Variants in GRM7 observed in about 807,000 individuals in gnomAD.
The protein encoded by GRM7 is metabotropic glutamate receptor 7.
A neutral mutation model predicts 84.5 loss-of-function variants in GRM7; 35 were observed. The observed-to-expected ratio is 0.41, with a 90% CI of 0.32 to 0.55. GRM7 has a LOEUF of 0.55. GRM7 is among the 20% of genes least tolerant of loss of function. GRM7 has a pLI of 0.19. For synonymous variants in GRM7, 487 were observed against 455.1 expected, an observed-to-expected ratio of 1.07 and a Z score of -0.89; for missense variants, 1,003 against 1,194.6, an observed-to-expected ratio of 0.84 and a Z score of 2.36.
In GRM7 at chr3:7,006,348, T is replaced by C. The variant is rs73812016; in HGVS notation, c.520-140104T>C. 4.9e-3 allele frequency among the ~76,000 whole-genome samples: 752 copies of C among 152,300 alleles called. 2 individuals are homozygous for C. The highest frequency in any genetic ancestry group is 0.017 in the African/African-American group (705 of 41,570). On this transcript the variant is annotated intron_variant, in intron 1 of 9. Coordinates refer to ENST00000357716, the MANE Select transcript of GRM7 (RefSeq NM_000844.4). ...CACTAGCAGAAAGTGTGTGAAAAAC[T>C]GTCTTTATGTGAAGGGAACTATCAT...
At position 7,490,094 on chromosome 3, in the gene GRM7, T is replaced by C. The variant is rs190777114; in HGVS notation, c.1515+28372T>C. Among the ~76,000 whole-genome samples the C allele has an allele frequency of 2.0e-3, 299 of 152,154 alleles. 1 individual carries two copies. The highest frequency in any genetic ancestry group is 6.7e-3 in the African/African-American group (280 of 41,560). On this transcript the variant is annotated intron_variant, in intron 7 of 9. Coordinates refer to ENST00000357716, the MANE Select transcript of GRM7 (RefSeq NM_000844.4). ...ACAATTATAACAGAAAAGATATCAA[T>C]TGAATTTTAAAATCCAAGTTTACAT...
In GRM7 at chr3:6,969,471, T is replaced by C. The variant is rs545197707; in HGVS notation, c.519+107564T>C. Among the ~76,000 whole-genome samples, 5 of 152,286 alleles carry C rather than the reference T, an allele frequency of 3.3e-5. No homozygotes were observed. The East Asian group carries it at 7.7e-4, about 24-fold the overall frequency. Reference sequence around the variant, plus strand: ...AATAGTTAGTGAATCAGTAAATAGATTTGAATCCAACTCTACTGATGCTCA... The same window carrying C: ...AATAGTTAGTGAATCAGTAAATAGACTTGAATCCAACTCTACTGATGCTCA... On this transcript the variant is annotated intron_variant, in intron 1 of 9. Transcript: ENST00000357716.
chr3:7,409,632 G>A (rs982365246), intron 4 of GRM7, among the ~76,000 whole-genome samples: 2 of 151,818 alleles, frequency 1.3e-5, no homozygotes, highest in East Asian at 1.9e-4. Flanking sequence ...ATGGAGTCCC[G>A]CTCTGTCGCC....
chr3:7,064,303 T>C (rs1185751060), intron 1 of GRM7, among the ~76,000 whole-genome samples: 5 of 150,488 alleles, frequency 3.3e-5, no homozygotes, highest in Admixed American at 2.7e-4. Flanking sequence ...ATGCATAGCT[T>C]AGCCCCCACA....
intron 9 of GRM7, chr3:7,682,484 T>G (rs1270241228): frequency 6.6e-6 from 1 of 151,988 alleles, no homozygotes; most frequent in Non-Finnish European, 1.5e-5. Context: ...TCTTGTCAAA[T>G]TTGCATTTCA....
chr3:7,740,644 C>G lies in GRM7; in HGVS notation c.*238C>G. 2.6e-6 allele frequency: 1 copy of G among 383,370 alleles called. No individual in the cohort carries two copies. The highest frequency in any genetic ancestry group is 4.6e-6 in the Non-Finnish European group (1 of 216,798). 23.7% of individuals were successfully genotyped at this position (383,370 alleles called of 1,614,324 possible). ...TGCCAACTCGGCTGCAATTGTGGAC[C>G]TTCCCTACCAAAGGGAGTGTTGAAA... On this transcript the variant is annotated 3_prime_UTR_variant, in exon 10 of 10. Coordinates refer to ENST00000357716, the MANE Select transcript of GRM7 (RefSeq NM_000844.4).
At chr3:7,463,440 G>A (rs1698331315) in intron 7 of GRM7, among the ~76,000 whole-genome samples, 2 of 152,148 alleles carry the variant, frequency 1.3e-5, no homozygotes, top group African/African-American at 4.8e-5. Flanking sequence ...TTTGTTGTTT[G>A]TTTGGTTTTG....
chr3:7,253,099 G>T (rs931970279), intron 2 of GRM7, among the ~76,000 whole-genome samples: 7 of 151,472 alleles, frequency 4.6e-5, no homozygotes, highest in Non-Finnish European at 1.0e-4. Flanking sequence ...CAGTTGAGGG[G>T]TAGATGGCTG....
intron 1 of GRM7, among the ~76,000 whole-genome samples, chr3:6,913,640 C>G (rs180828325): frequency 1.3e-5 from 2 of 152,142 alleles, no homozygotes; most frequent in Admixed American, 1.3e-4. Flanking sequence ...TATAATAAAC[C>G]TTTTGGTTTC....
In GRM7 at chr3:7,351,723, CT is replaced by C. The variant is rs149886722; in HGVS notation, c.1033+45080del. ...TGCTCTCTCTTCAGGAGCAGAATAC[CT>C]TTTTTTTTCCTCCTTCTTCCCTTAG... On this transcript the variant is annotated intron_variant, in intron 4 of 9. Coordinates refer to ENST00000357716, the MANE Select transcript of GRM7 (RefSeq NM_000844.4). Among the ~76,000 whole-genome samples the C allele has an allele frequency of 5.5e-3, 826 of 151,276 alleles. 6 individuals carry two copies. Among genetic ancestry groups the C allele is most frequent in the African/African-American group, 0.017 (708 of 41,204 alleles).
At chr3:7,280,638 C>T (rs554465765) in intron 2 of GRM7, among the ~76,000 whole-genome samples, 6 of 152,276 alleles carry the variant, frequency 3.9e-5, no homozygotes, top group African/African-American at 7.2e-5. Flanking sequence ...AGCCCAGTAG[C>T]GCTGGCATAT....
At chr3:7,673,284 A>ATTC (rs1699996221) in intron 8 of GRM7, among the ~76,000 whole-genome samples, 1 of 152,214 alleles carries the variant, frequency 6.6e-6, no homozygotes, top group South Asian at 2.1e-4. Context: ...AATGCCAAGA[A>ATTC]TATTGATCAT....
At chr3:7,433,158 C>T (rs1192105905) in intron 5 of GRM7, among the ~76,000 whole-genome samples, 3 of 152,188 alleles carry the variant, frequency 2.0e-5, no homozygotes, top group East Asian at 3.9e-4. Flanking sequence ...GTGGCAGTCT[C>T]ATCTTCCAGT....
intron 9 of GRM7, among the ~76,000 whole-genome samples, chr3:7,736,516 G>T (rs1394300670): frequency 6.6e-6 from 1 of 152,106 alleles, no homozygotes; most frequent in African/African-American, 2.4e-5. Flanking sequence ...AATGTTATAT[G>T]AAACCAGATT....
intron 1 of GRM7, among the ~76,000 whole-genome samples, chr3:7,038,605 G>A (rs1469033636): frequency 1.3e-5 from 2 of 152,152 alleles, no homozygotes; most frequent in Non-Finnish European, 2.9e-5. Context: ...CTACCTACGT[G>A]AGTCTATTAC....
chr3:7,267,970 C>T (rs1397055263), intron 2 of GRM7, among the ~76,000 whole-genome samples: 4 of 151,898 alleles, frequency 2.6e-5, no homozygotes, highest in South Asian at 2.1e-4. Context: ...CAGTTAGTGC[C>T]GTTAGAAAGA....
chr3:7,296,181 A>G (rs537601224), intron 2 of GRM7, among the ~76,000 whole-genome samples: 174 of 152,170 alleles, frequency 1.1e-3, no homozygotes, highest in African/African-American at 4.0e-3. Context: ...GACAATATGT[A>G]AATAATAATG....
chr3:7,429,426 C>T (rs1250432422), intron 5 of GRM7, among the ~76,000 whole-genome samples: 3 of 152,158 alleles, frequency 2.0e-5, no homozygotes, highest in Non-Finnish European at 4.4e-5. Flanking sequence ...ATTGGCAAAA[C>T]TACTAAAATG....
intron 1 of GRM7, among the ~76,000 whole-genome samples, chr3:7,021,015 CAAAG>C (rs1695756296): frequency 6.6e-6 from 1 of 152,128 alleles, no homozygotes; most frequent in South Asian, 2.1e-4. Flanking sequence ...ATAATACACA[CAAAG>C]AAGTTAGGTC....
Sources: gnomAD v4.1 joint callset for allele counts (sites outside exome capture counted in the v4.1 genomes callset) on GRCh38, gnomAD v4.1.1 for gene constraint, MANE v1.5 for transcripts, NCBI Gene and HGNC (gene_info 2026-07-23, HGNC 2026-07-21) for gene names.